The following MKX variants were observed in gnomAD, a reference collection of about 807,000 sequenced individuals.
MKX encodes the protein homeobox protein Mohawk.
MKX carries 13 observed loss-of-function variants against 36.0 expected under a neutral mutation model. The ratio of observed to expected loss-of-function variants is 0.36; its 90% CI spans 0.24 to 0.57. The LOEUF is 0.57. MKX is among the 20% of genes least tolerant of loss of function. MKX has a pLI of 0.79. For synonymous variants in MKX, 176 were observed against 178.3 expected, an observed-to-expected ratio of 0.99 and a Z score of 0.10; for missense variants, 458 against 456.4, an observed-to-expected ratio of 1.00 and a Z score of -0.03.
intron 5 of MKX, among the ~76,000 whole-genome samples, chr10:27,709,150 C>A (rs954723782): frequency 6.6e-6 from 1 of 150,494 alleles, no homozygotes; most frequent in Admixed American, 6.7e-5. Flanking sequence ...GCCTGGGTGA[C>A]AAAGCGAGAC....
At chr10:27,678,123 T>C (rs1040113276) in intron 5 of MKX, among the ~76,000 whole-genome samples, 3 of 152,254 alleles carry the variant, frequency 2.0e-5, no homozygotes, top group Non-Finnish European at 4.4e-5. Context: ...ACTTTGTGTA[T>C]GGATAGCATG....
rs1455278632 is a variant in MKX, at chr10:27,694,543, T to TATAA, written c.839-18990_839-18989insTTAT. Among the ~76,000 whole-genome samples, 330 of 142,414 alleles carry TATAA rather than the reference T, an allele frequency of 2.3e-3. 1 individual carries two copies. The highest frequency in any genetic ancestry group is 4.0e-3 in the Non-Finnish European group (264 of 65,712). The allele number at this position is 142,414 out of a possible 152,430, so 93.4% of individuals were successfully genotyped here. On this transcript the variant is annotated intron_variant, in intron 5 of 6. Transcript: ENST00000419761. ...AAAAAAAAAAATATATATATATATA[T>TATAA]AAATTAGCCGAGTGTGTGGCGGGCG...
chr10:27,710,630 A>G (rs1424965998), intron 5 of MKX, among the ~76,000 whole-genome samples: 3 of 152,042 alleles, frequency 2.0e-5, no homozygotes, highest in Non-Finnish European at 4.4e-5. Context: ...CTCTAACTCC[A>G]TATTTCTGCT....
intron 5 of MKX, among the ~76,000 whole-genome samples, chr10:27,681,686 C>T (rs1323421580): frequency 1.3e-5 from 2 of 151,706 alleles, no homozygotes; most frequent in Non-Finnish European, 2.9e-5. Flanking sequence ...TTTGGGAGGC[C>T]GAGGTGGGGA....
In MKX at chr10:27,698,144, T is replaced by G. The variant is rs138242394; in HGVS notation, c.839-22590A>C. ...TCCTCTGGGAAAGTGTTTGAGTTTTTGTTTGAGCTGAAATAAATGGAGAAT... is the reference window on the plus strand; with the variant it reads ...TCCTCTGGGAAAGTGTTTGAGTTTTGGTTTGAGCTGAAATAAATGGAGAAT... On this transcript the variant is annotated intron_variant, in intron 5 of 6. Transcript: ENST00000419761. 3.9e-5 allele frequency among the ~76,000 whole-genome samples: 6 copies of G among 152,264 alleles called. No individual in the cohort carries two copies. The East Asian group carries it at 1.2e-3, about 29-fold the overall frequency.
intron 5 of MKX, among the ~76,000 whole-genome samples, chr10:27,681,645 G>T (rs1189064581): frequency 6.6e-6 from 1 of 152,144 alleles, no homozygotes; most frequent in Non-Finnish European, 1.5e-5. Context: ...CTGTAGCTGG[G>T]CATGGTGGCT....
intron 5 of MKX, among the ~76,000 whole-genome samples, chr10:27,687,412 T>C (rs1306863329): frequency 1.3e-5 from 2 of 152,200 alleles, no homozygotes; most frequent in Non-Finnish European, 2.9e-5. Context: ...ATAACAACAA[T>C]AGGACATCTT....
chr10:27,740,072 C>G (rs1004978478), intron 3 of MKX, among the ~76,000 whole-genome samples: 1 of 152,140 alleles, frequency 6.6e-6, no homozygotes, highest in Non-Finnish European at 1.5e-5. Flanking sequence ...TGAAAGAAAA[C>G]AGATGTTTTT....
At chr10:27,739,922 T>A (rs987988392) in intron 3 of MKX, among the ~76,000 whole-genome samples, 1 of 152,214 alleles carries the variant, frequency 6.6e-6, no homozygotes, top group Non-Finnish European at 1.5e-5. Context: ...CTGACTGGAA[T>A]AATTTATTTC....
Position 27,675,273 on chromosome 10 carries a change from C to A in MKX, c.1015G>T (p.Ala339Ser). The A allele has an allele frequency of 6.2e-7, 1 of 1,614,108 alleles. No homozygotes were observed. Among genetic ancestry groups the A allele is most frequent in the Non-Finnish European group, 8.5e-7 (1 of 1,180,008 alleles). The change falls in exon 7 of 7, where the codon GCA (alanine) becomes TCA (serine). Residue 339 changes from alanine (A) to serine (S), a missense_variant. Physicochemically the swap from Ala to Ser is moderately conservative, Grantham distance 99. This residue lies in a region of MKX where 297 missense variants were observed against 304.4 expected (regional missense o/e 0.98). Transcript: ENST00000419761. The stretch of plus-strand genomic sequence containing the variant: ...GGCACTTTGACAGTCTTTACTTCTG[C>A]TATATGGGACGACTTCTGGATGATG... The part of the protein sequence containing the change: ...SCIIQKSSHI[A>S]EVKTVKVPLV...
chr10:27,735,127 T>C (rs1389525196), intron 4 of MKX, 94 bp downstream of exon 4: 2 of 1,212,298 alleles, frequency 1.6e-6, no homozygotes, highest in African/African-American at 3.1e-5. Flanking sequence ...TAAGGCACCA[T>C]CATATTTTGT....
At position 27,705,836 on chromosome 10, in the gene MKX, G is replaced by A. The variant is rs767049005; in HGVS notation, c.838+28620C>T. Among the ~76,000 whole-genome samples the A allele has an allele frequency of 3.3e-5, 5 of 152,074 alleles. No homozygotes were observed. In the East Asian group the frequency reaches 5.8e-4, roughly 18 times the overall value. ...TTAGCAGCCTGTATGATCTGAAATC[G>A]TTTTGATGAAGACTTTCTTTAAAAA... On this transcript the variant is annotated intron_variant, in intron 5 of 6. Transcript: ENST00000419761.
chr10:27,696,505 G>T (rs906538079), intron 5 of MKX, among the ~76,000 whole-genome samples: 4 of 152,268 alleles, frequency 2.6e-5, no homozygotes, highest in South Asian at 4.2e-4. Flanking sequence ...GTCAAGGGCA[G>T]TTATGTTATG....
intron 5 of MKX, among the ~76,000 whole-genome samples, chr10:27,705,089 A>C (rs1836725326): frequency 1.3e-5 from 2 of 152,170 alleles, no homozygotes; most frequent in Admixed American, 1.3e-4. Context: ...AGGTGCTCAG[A>C]CTCATTCTTC....
In MKX at chr10:27,744,581, C is replaced by A. The variant is rs915094884; in HGVS notation, c.-82-1084G>T. Among the ~76,000 whole-genome samples the A allele has an allele frequency of 6.6e-6, 1 of 152,150 alleles. No individual in the cohort carries two copies. Among genetic ancestry groups the A allele is most frequent in the Non-Finnish European group, 1.5e-5 (1 of 68,012 alleles). ...AGGCGCGCGGCGGACTTCGCCCGCC[C>A]CATCTCCTCGCCTCGCGCCTCGGGA... On this transcript the variant is annotated intron_variant, in intron 1 of 6. Transcript: ENST00000419761. The surrounding 1 kb of genome is among the most constrained non-coding windows in gnomAD (Gnocchi z 5.6).
intron 5 of MKX, among the ~76,000 whole-genome samples, chr10:27,693,928 T>C (rs1174167364): frequency 6.6e-6 from 1 of 152,132 alleles, no homozygotes; most frequent in Non-Finnish European, 1.5e-5. Flanking sequence ...TGGGGACAGG[T>C]CTTTTCCATA....
At position 27,673,309 on chromosome 10, in the gene MKX, T is replaced by G. The variant is rs968709319; in HGVS notation, c.*1920A>C. 2 of 152,572 alleles carry G rather than the reference T, an allele frequency of 1.3e-5. No homozygotes were observed. Among genetic ancestry groups the G allele is most frequent in the African/African-American group, 4.8e-5 (2 of 41,460 alleles). The allele number at this position is 152,572 out of a possible 1,614,324, so 9.5% of individuals were successfully genotyped here. Reference sequence around the variant, plus strand: ...TTAAAAAGATGGCAAACATGAATCATGACTCATTCAAATAAAATACAACCA... The same window carrying G: ...TTAAAAAGATGGCAAACATGAATCAGGACTCATTCAAATAAAATACAACCA... On this transcript the variant is annotated 3_prime_UTR_variant, in exon 7 of 7. Transcript: ENST00000419761.
At chr10:27,740,694 C>A (rs1381601713) in intron 3 of MKX, among the ~76,000 whole-genome samples, 2 of 152,202 alleles carry the variant, frequency 1.3e-5, no homozygotes, top group African/African-American at 4.8e-5. Context: ...GCCTCCTCTC[C>A]TTAAGCCCAG....
At chr10:27,713,336 G>T (rs1836905939) in intron 5 of MKX, among the ~76,000 whole-genome samples, 1 of 152,294 alleles carries the variant, frequency 6.6e-6, no homozygotes, top group East Asian at 1.9e-4. Context: ...GGTTTAAGGG[G>T]GTGGATGTGC....
Sources: allele counts gnomAD v4.1 joint callset (sites outside exome capture counted in the v4.1 genomes callset), GRCh38; gene constraint gnomAD v4.1.1; regional missense constraint gnomAD v4.1.1; non-coding constraint Gnocchi (gnomAD v3.1); transcripts MANE v1.5; gene names NCBI Gene and HGNC (gene_info 2026-07-23, HGNC 2026-07-21).